ANXA3: variants seen among roughly 807,000 people sequenced by gnomAD.
The protein encoded by ANXA3 is annexin A3.
A neutral mutation model predicts 48.8 loss-of-function variants in ANXA3; 46 were observed. The observed-to-expected ratio is 0.94, with a 90% confidence interval of 0.74 to 1.21. The LOEUF (loss-of-function observed/expected upper bound fraction) is 1.21, where lower values mean the gene tolerates loss of function less well. Among genes scored for constraint, ANXA3 ranks in the 50% most tolerant of loss-of-function variants. ANXA3 has a pLI of 0.00. For missense variants in ANXA3, 383 were observed against 378.6 expected (o/e 1.01, Z -0.10); for synonymous variants, 128 against 134.7 (o/e 0.95, Z 0.35).
At chr4:78,600,983 A>G (rs1723522567) in intron 10 of ANXA3, among the ~76,000 whole-genome samples, 1 of 152,036 alleles carries the variant, frequency 6.6e-6, no homozygotes, top group East Asian at 1.9e-4. Flanking sequence ...ACTTGTTCTA[A>G]TGGAGTCACT....
chr4:78,573,627 ACACT>A (rs1722888019), intron 3 of ANXA3, among the ~76,000 whole-genome samples: 1 of 152,138 alleles, frequency 6.6e-6, no homozygotes, highest in Non-Finnish European at 1.5e-5. Context: ...TGAAAAATAC[ACACT>A]CAGGAAAGGG....
At chr4:78,584,849 C>T (rs1723140872) in intron 5 of ANXA3, among the ~76,000 whole-genome samples, 1 of 152,194 alleles carries the variant, frequency 6.6e-6, no homozygotes, top group Non-Finnish European at 1.5e-5. Flanking sequence ...CTTCAGACTG[C>T]AGTGGTGGCC....
chr4:78,557,652 C>T (rs1005158839), intron 2 of ANXA3, among the ~76,000 whole-genome samples: 5 of 151,522 alleles, frequency 3.3e-5, no homozygotes, highest in African/African-American at 9.7e-5. Flanking sequence ...GAAAGAGGCC[C>T]TAGCCAAAGA....
intron 2 of ANXA3, among the ~76,000 whole-genome samples, chr4:78,557,633 A>G (rs1284815972): frequency 6.6e-6 from 1 of 151,608 alleles, no homozygotes; most frequent in African/African-American, 2.4e-5. Context: ...GGGCAAACCC[A>G]CACGTGGAGA....
At chr4:78,595,102 A>G (rs914972993) in intron 7 of ANXA3, among the ~76,000 whole-genome samples, 1 of 152,154 alleles carries the variant, frequency 6.6e-6, no homozygotes, top group Non-Finnish European at 1.5e-5. Flanking sequence ...GCAGGACTAC[A>G]CTCTGGCCTG....
At chr4:78,572,514 G>A (rs1722859382) in intron 2 of ANXA3, among the ~76,000 whole-genome samples, 1 of 152,142 alleles carries the variant, frequency 6.6e-6, no homozygotes, top group South Asian at 2.1e-4. Context: ...TTAAAATGGA[G>A]GGCAGGGGGC....
At chr4:78,554,749 A>G (rs1722476033) in intron 2 of ANXA3, among the ~76,000 whole-genome samples, 1 of 152,246 alleles carries the variant, frequency 6.6e-6, no homozygotes, top group Non-Finnish European at 1.5e-5. Flanking sequence ...TAATTTGGGA[A>G]TTTATTATAT....
intron 3 of ANXA3, among the ~76,000 whole-genome samples, chr4:78,576,420 T>C (rs1722955347): frequency 6.6e-6 from 1 of 152,074 alleles, no homozygotes; most frequent in African/African-American, 2.4e-5. Flanking sequence ...CCTCAGCCTC[T>C]GGTGTTGCTA....
intron 3 of ANXA3, among the ~76,000 whole-genome samples, chr4:78,575,976 T>C (rs1307474837): frequency 6.6e-6 from 1 of 152,220 alleles, no homozygotes; most frequent in Non-Finnish European, 1.5e-5. Flanking sequence ...TGAAGAGCTC[T>C]TCCTTTTCAC....
intron 2 of ANXA3, among the ~76,000 whole-genome samples, chr4:78,572,902 A>G (rs1281453696): frequency 2.0e-5 from 3 of 152,194 alleles, no homozygotes; most frequent in Non-Finnish European, 4.4e-5. Context: ...CATTTAAACT[A>G]TAAACTAAAT....
chr4:78,562,591 CTAA>C (rs140219202), intron 2 of ANXA3, among the ~76,000 whole-genome samples: 73 of 152,320 alleles, frequency 4.8e-4, no homozygotes, highest in African/African-American at 1.7e-3. Context: ...ATTCACTCAA[CTAA>C]TATTTACTAA....
chr4:78,565,804 A>G (rs763243392), intron 2 of ANXA3, among the ~76,000 whole-genome samples: 1 of 152,200 alleles, frequency 6.6e-6, no homozygotes, highest in Non-Finnish European at 1.5e-5. Flanking sequence ...ACAAGTAAGT[A>G]CTATGTAAGT....
chr4:78,581,793 G>A (rs1723074498), intron 4 of ANXA3, among the ~76,000 whole-genome samples: 1 of 152,128 alleles, frequency 6.6e-6, no homozygotes. Flanking sequence ...TTACTGAGAG[G>A]CAAGACACCG....
intron 6 of ANXA3, among the ~76,000 whole-genome samples, chr4:78,587,078 G>T (rs1000195541): frequency 5.3e-5 from 8 of 152,166 alleles, no homozygotes; most frequent in Non-Finnish European, 1.0e-4. Flanking sequence ...AAACAAATCA[G>T]GGCCAATCAA....
intron 2 of ANXA3, among the ~76,000 whole-genome samples, chr4:78,569,282 A>G (rs931429939): frequency 1.3e-5 from 2 of 152,068 alleles, no homozygotes; most frequent in Non-Finnish European, 2.9e-5. Flanking sequence ...TTTTTTAAAT[A>G]GACTTTGCCA....
intron 7 of ANXA3, among the ~76,000 whole-genome samples, chr4:78,592,521 A>T (rs1723320955): frequency 6.6e-6 from 1 of 152,188 alleles, no homozygotes; most frequent in Admixed American, 6.5e-5. Flanking sequence ...TCTCAGAGGT[A>T]TATATTCCTA....
In ANXA3 at chr4:78,579,920, G is replaced by A. The variant is rs371303849; in HGVS notation, c.198+799G>A. ...CAGCCTGGAAACAGAGCAAGACTCC[G>A]TCTCAAAAAACAAAATAAAAAGGAA... On this transcript the variant is annotated intron_variant, in intron 4 of 12. Coordinates refer to ENST00000264908, the MANE Select transcript of ANXA3 (RefSeq NM_005139.3). Among the ~76,000 whole-genome samples, 41 of 152,228 alleles carry A rather than the reference G, an allele frequency of 2.7e-4. No homozygotes were observed. The South Asian group carries it at 5.2e-3, about 19-fold the overall frequency.
chr4:78,555,463 T>C (rs1307897797), intron 2 of ANXA3, among the ~76,000 whole-genome samples: 5 of 151,992 alleles, frequency 3.3e-5, no homozygotes, highest in African/African-American at 4.8e-5. Context: ...AATAAATTGG[T>C]TTAAAAAATG....
At chr4:78,609,945 G>A in intron 12 of ANXA3, 111 bp from the exon 13 acceptor site, 1 of 657,046 alleles carries the variant, frequency 1.5e-6, no homozygotes, top group South Asian at 2.5e-5. Context: ...AAATGGTATA[G>A]CTCATGAGTC....
Sources: allele counts gnomAD v4.1 joint callset (sites outside exome capture counted in the v4.1 genomes callset), GRCh38; gene constraint gnomAD v4.1.1; transcripts MANE v1.5; gene names NCBI Gene and HGNC (gene_info 2026-07-23, HGNC 2026-07-21).